Variants in CPNE3 observed in about 807,000 individuals in gnomAD.
The protein encoded by CPNE3 is copine 3, also known as copine-3.
A neutral mutation model predicts 63.9 loss-of-function variants in CPNE3; 68 were observed. That is an observed-to-expected ratio of 1.06 (90% CI 0.87 to 1.30). The LOEUF is 1.30. Ranked by LOEUF, CPNE3 falls within the 50% of genes most tolerant of loss-of-function variation. The pLI is 0.00. For missense variants in CPNE3, 665 were observed against 578.1 expected (o/e 1.15, Z -1.54); for synonymous variants, 219 against 197.5 (o/e 1.11, Z -0.91).
Position 86,556,016 on chromosome 8 carries a change from A to G in CPNE3, c.1255-86A>G, listed in dbSNP as rs142881022. On this transcript the variant is annotated intron_variant, in intron 15 of 16. Coordinates refer to ENST00000517490, the MANE Select transcript of CPNE3 (RefSeq NM_003909.5). ...GTAGAGACTGGCAAGGAAAATGAAC[A>G]AGAAAGACTGGATGACTCATCAAGC... 5.7e-4 allele frequency: 438 copies of G among 763,900 alleles called. No individual in the cohort carries two copies. In the African/African-American group the frequency reaches 6.3e-3, roughly 11 times the overall value. 47.3% of individuals were successfully genotyped at this position (763,900 alleles called of 1,614,324 possible). A position where few individuals can be genotyped will look rare whatever the true frequency, so the allele number is the denominator to read the frequency against.
At chr8:86,553,512 A>G (rs1821239405) in intron 14 of CPNE3, among the ~76,000 whole-genome samples, 1 of 152,200 alleles carries the variant, frequency 6.6e-6, no homozygotes, top group African/African-American at 2.4e-5. Context: ...TGCCTACATT[A>G]TTCAGCATAG....
intron 6 of CPNE3, among the ~76,000 whole-genome samples, chr8:86,535,594 G>A (rs760375838): frequency 1.3e-5 from 2 of 152,050 alleles, no homozygotes; most frequent in African/African-American, 4.8e-5. Context: ...CTTGAACCCA[G>A]GAGGGGGAGG....
At position 86,528,610 on chromosome 8, in the gene CPNE3, A is replaced by G; in HGVS notation, c.65A>G (p.Asp22Gly). The stretch of plus-strand genomic sequence containing the variant: ...TCCTGTGCCAATCTTTTGGATAAAG[A>G]TATAGGGTCAAAGTCAGACCCTTTA... Reference protein sequence around the residue: ...NVSCANLLDKDIGSKSDPLCV... With the variant: ...NVSCANLLDKGIGSKSDPLCV... The change falls in exon 3 of 17, where the codon GAT becomes GGT. Residue 22 changes from aspartate (D) to glycine (G), a missense_variant. Transcript: ENST00000517490. 6.2e-7 allele frequency: 1 copy of G among 1,614,164 alleles called. No individual in the cohort carries two copies. Among genetic ancestry groups the G allele is most frequent in the South Asian group, 1.1e-5 (1 of 91,076 alleles).
At position 86,532,585 on chromosome 8, in the gene CPNE3, G is replaced by T; in HGVS notation, c.459+5G>T. 1.2e-6 allele frequency: 2 copies of T among 1,608,678 alleles called. No individual in the cohort carries two copies. The highest frequency in any genetic ancestry group is 1.7e-6 in the Non-Finnish European group (2 of 1,177,856). ...GCCAGAAAACTGGATAATAAGGTGG[G>T]TAGACTATGCAGATTTCAAAAAGGT... On this transcript the variant is annotated splice_donor_5th_base_variant and intron_variant, in intron 6 of 16. Transcript: ENST00000517490.
At chr8:86,516,190 C>T (rs28687116) in intron 2 of CPNE3, among the ~76,000 whole-genome samples, 23,343 of 152,136 alleles carry the variant, frequency 0.15, 1,923 homozygotes, top group Non-Finnish European at 0.19. Flanking sequence ...CAAAAGGTGC[C>T]TGGCACAAAC....
intron 8 of CPNE3, among the ~76,000 whole-genome samples, chr8:86,544,079 A>G (rs1820999488): frequency 6.6e-6 from 1 of 152,006 alleles, no homozygotes; most frequent in South Asian, 2.1e-4. Context: ...ACTAGAACTC[A>G]CCCTGTCTCA....
At chr8:86,516,894 ATATGT>A (rs1277827434) in intron 2 of CPNE3, among the ~76,000 whole-genome samples, 1 of 152,240 alleles carries the variant, frequency 6.6e-6, no homozygotes, top group Non-Finnish European at 1.5e-5. Context: ...AAAAATGATT[ATATGT>A]CATTTGACCT....
At chr8:86,538,992 C>T (rs1820867599) in intron 7 of CPNE3, among the ~76,000 whole-genome samples, 1 of 152,180 alleles carries the variant, frequency 6.6e-6, no homozygotes, top group Non-Finnish European at 1.5e-5. Context: ...CTTGCCTAAT[C>T]AATTATTGTA....
At chr8:86,521,149 T>C (rs997830128) in intron 2 of CPNE3, among the ~76,000 whole-genome samples, 1 of 152,162 alleles carries the variant, frequency 6.6e-6, no homozygotes, top group African/African-American at 2.4e-5. Context: ...TGAGAATAAA[T>C]GTTGCTGCTC....
intron 14 of CPNE3, among the ~76,000 whole-genome samples, chr8:86,552,727 C>G (rs926686980): frequency 3.3e-5 from 5 of 151,012 alleles, no homozygotes; most frequent in Non-Finnish European, 5.9e-5. Flanking sequence ...AATAATATGC[C>G]TTAGAAATAA....
intron 10 of CPNE3, 53 bp from the exon 11 acceptor site, chr8:86,547,656 TTG>T: frequency 2.5e-6 from 2 of 787,750 alleles, no homozygotes; most frequent in Admixed American, 4.2e-5. Context: ...AAAGAGTTTT[TTG>T]CTTCTCTTGT....
chr8:86,561,257 A>G lies in CPNE3; in HGVS notation c.*2847A>G, dbSNP rs1306774185. ...TTAGTAGTCATGGAAATGACACATA[A>G]AGTACGCCAGAAGTTTGATGGAACG... On this transcript the variant is annotated 3_prime_UTR_variant, in exon 17 of 17. Transcript: ENST00000517490. 1 of 152,224 alleles carries G rather than the reference A, an allele frequency of 6.6e-6. No individual in the cohort carries two copies. Among genetic ancestry groups the G allele is most frequent in the Admixed American group, 6.5e-5 (1 of 15,282 alleles). 9.4% of individuals were successfully genotyped at this position (152,224 alleles called of 1,614,324 possible).
rs1821167178 is a variant in CPNE3, at chr8:86,551,164, C to G, written c.1069-19C>G. The stretch of plus-strand genomic sequence containing the variant: ...AAAAGCAGCCCAGCCCTCATCAGTC[C>G]TTTGTCCATCTTTGACAGGTATCAC... On this transcript the variant is annotated intron_variant, in intron 13 of 16. Coordinates refer to ENST00000517490, the MANE Select transcript of CPNE3 (RefSeq NM_003909.5). 1.9e-6 allele frequency: 3 copies of G among 1,613,498 alleles called. No homozygotes were observed. Among genetic ancestry groups the G allele is most frequent in the African/African-American group, 2.7e-5 (2 of 75,014 alleles).
At chr8:86,557,772 A>G (rs1821354737) in intron 16 of CPNE3, among the ~76,000 whole-genome samples, 1 of 152,198 alleles carries the variant, frequency 6.6e-6, no homozygotes, top group Admixed American at 6.5e-5. Context: ...ACACACACAC[A>G]CAAATGAGTA....
intron 4 of CPNE3, among the ~76,000 whole-genome samples, chr8:86,529,964 A>G (rs1270999912): frequency 6.6e-6 from 1 of 152,182 alleles, no homozygotes; most frequent in Non-Finnish European, 1.5e-5. Context: ...AAATAATATC[A>G]AAGAAAAAAT....
chr8:86,547,050 G>C (rs1821069467), intron 10 of CPNE3, among the ~76,000 whole-genome samples: 1 of 152,274 alleles, frequency 6.6e-6, no homozygotes, highest in South Asian at 2.1e-4. Context: ...TATATTTCAA[G>C]TTCTCCTGTT....
chr8:86,536,475 T>TTAAG, intron 6 of CPNE3, among the ~76,000 whole-genome samples: 1 of 152,008 alleles, frequency 6.6e-6, no homozygotes, highest in Non-Finnish European at 1.5e-5. Flanking sequence ...TTTCATTCAC[T>TTAAG]TAAGATTCTT....
intron 16 of CPNE3, among the ~76,000 whole-genome samples, chr8:86,556,829 T>A (rs1008766223): frequency 2.6e-5 from 4 of 152,316 alleles, no homozygotes; most frequent in African/African-American, 9.6e-5. Context: ...TTCTAGCCCT[T>A]CCTTAACCTT....
chr8:86,546,476 A>G (rs1821052313), intron 9 of CPNE3, 119 bp from the exon 10 acceptor site: 2 of 946,950 alleles, frequency 2.1e-6, no homozygotes, highest in South Asian at 1.5e-5. Context: ...ATATTTTGCA[A>G]CAGACCTACA....
Sources: allele counts gnomAD v4.1 joint callset (sites outside exome capture counted in the v4.1 genomes callset), GRCh38; gene constraint gnomAD v4.1.1; transcripts MANE v1.5; gene names NCBI Gene and HGNC (gene_info 2026-07-23, HGNC 2026-07-21).